Variants in CCDC192 observed in about 807,000 individuals in gnomAD.
CCDC192 encodes the protein coiled-coil domain containing 192, also known as coiled-coil domain-containing protein 192.
intron 6 of CCDC192, among the ~76,000 whole-genome samples, chr5:127,887,629 T>G (rs1050443832): frequency 6.6e-6 from 1 of 152,106 alleles, no homozygotes; most frequent in Non-Finnish European, 1.5e-5. Flanking sequence ...TTTTGTAAGG[T>G]TTTGCCACAA....
At chr5:127,815,465 A>T (rs1224954831) in intron 5 of CCDC192, among the ~76,000 whole-genome samples, 2 of 152,108 alleles carry the variant, frequency 1.3e-5, no homozygotes, top group East Asian at 3.9e-4. Flanking sequence ...GTTTTACATG[A>T]TTTCTATAAA....
intron 2 of CCDC192, among the ~76,000 whole-genome samples, chr5:127,731,190 C>T (rs1204250331): frequency 6.6e-6 from 1 of 152,062 alleles, no homozygotes; most frequent in Non-Finnish European, 1.5e-5. Flanking sequence ...AATCAATATG[C>T]AAAAATCACG....
At chr5:127,713,668 G>A (rs1328745037) in intron 2 of CCDC192, among the ~76,000 whole-genome samples, 1 of 152,000 alleles carries the variant, frequency 6.6e-6, no homozygotes, top group Non-Finnish European at 1.5e-5. Flanking sequence ...TTTTATTCTA[G>A]GAATGTTATA....
At chr5:127,878,689 G>A (rs959236779) in intron 6 of CCDC192, among the ~76,000 whole-genome samples, 7 of 152,032 alleles carry the variant, frequency 4.6e-5, no homozygotes, top group Non-Finnish European at 2.9e-5. Flanking sequence ...GGCGATGCGG[G>A]CTCTTTTTTG....
At chr5:127,861,421 G>A (rs1296633492) in intron 5 of CCDC192, among the ~76,000 whole-genome samples, 4 of 150,932 alleles carry the variant, frequency 2.7e-5, no homozygotes, top group African/African-American at 4.9e-5. Context: ...TTTGGAGGCC[G>A]AGGTGGGCAG....
At chr5:127,931,797 T>G (rs1056951632) in intron 6 of CCDC192, among the ~76,000 whole-genome samples, 1 of 152,118 alleles carries the variant, frequency 6.6e-6, no homozygotes. Context: ...TATAGAAATC[T>G]AAATCCTAGA....
chr5:127,863,515 A>G (rs1751460870), intron 5 of CCDC192, among the ~76,000 whole-genome samples: 1 of 152,232 alleles, frequency 6.6e-6, no homozygotes, highest in East Asian at 1.9e-4. Context: ...AATACACAGA[A>G]CTAGAGACTA....
chr5:127,854,115 C>A (rs1329684881), intron 5 of CCDC192, among the ~76,000 whole-genome samples: 1 of 152,210 alleles, frequency 6.6e-6, no homozygotes, highest in African/African-American at 2.4e-5. Context: ...ATAACACTCT[C>A]TTGATTCCTT....
intron 2 of CCDC192, among the ~76,000 whole-genome samples, chr5:127,712,089 G>T (rs915467284): frequency 1.3e-5 from 2 of 151,922 alleles, no homozygotes; most frequent in African/African-American, 4.8e-5. Context: ...TTTTATAAAC[G>T]GAGACATACA....
intron 3 of CCDC192, among the ~76,000 whole-genome samples, chr5:127,771,886 G>C (rs918094623): frequency 6.6e-6 from 1 of 152,142 alleles, no homozygotes; most frequent in Non-Finnish European, 1.5e-5. Flanking sequence ...GGGGAAGCAG[G>C]GATTCTCCAC....
chr5:127,932,826 A>G (rs1754077017), intron 6 of CCDC192, among the ~76,000 whole-genome samples: 1 of 152,158 alleles, frequency 6.6e-6, no homozygotes, highest in Non-Finnish European at 1.5e-5. Flanking sequence ...TAAAAACCAG[A>G]TCTAGAATAG....
At chr5:127,895,692 T>C (rs948102808) in intron 6 of CCDC192, among the ~76,000 whole-genome samples, 1 of 151,790 alleles carries the variant, frequency 6.6e-6, no homozygotes, top group African/African-American at 2.4e-5. Flanking sequence ...ATACAAAAAT[T>C]AGCCAGGCAC....
chr5:127,822,719 G>C (rs1749347237), intron 5 of CCDC192, among the ~76,000 whole-genome samples: 1 of 152,142 alleles, frequency 6.6e-6, no homozygotes, highest in African/African-American at 2.4e-5. Flanking sequence ...GAAGGACAAA[G>C]ATCATTCCTT....
intron 6 of CCDC192, chr5:127,940,807 A>G (rs184453649): frequency 6.1e-6 from 1 of 163,520 alleles, no homozygotes; most frequent in African/African-American, 2.4e-5. Flanking sequence ...CTACTTGATT[A>G]TAGCTCTTGT....
In CCDC192 at chr5:127,797,004, G is replaced by C. The variant is rs542389342; in HGVS notation, c.223-99G>C. The stretch of plus-strand genomic sequence containing the variant: ...CCAGAAGCTATTTTCATATTTAGTA[G>C]ATACTGGTGGAAGATAAATTATTTG... On this transcript the variant is annotated intron_variant, in intron 3 of 6. Transcript: ENST00000514853. 77 of 381,864 alleles carry C rather than the reference G, an allele frequency of 2.0e-4. No homozygotes were observed. In the East Asian group the frequency reaches 2.8e-3, roughly 14 times the overall value. The allele number at this position is 381,864 out of a possible 1,614,324, so 23.7% of individuals were successfully genotyped here.
At chr5:127,702,540 C>T (rs917186249), upstream of CCDC192, among the ~76,000 whole-genome samples, 2 of 152,146 alleles carry the variant, frequency 1.3e-5, no homozygotes, top group African/African-American at 4.8e-5. Flanking sequence ...CTATTCATTC[C>T]TGTTACTATT....
chr5:127,826,377 A>C (rs556561945), intron 5 of CCDC192, among the ~76,000 whole-genome samples: 17 of 152,126 alleles, frequency 1.1e-4, no homozygotes, highest in African/African-American at 4.1e-4. Flanking sequence ...CAGTTTGGAG[A>C]TTTCTCAAAG....
Position 127,856,434 on chromosome 5 carries a change from T to C in CCDC192, c.412-19104T>C, listed in dbSNP as rs899425217. Among the ~76,000 whole-genome samples the C allele has an allele frequency of 6.6e-5, 10 of 152,226 alleles. No homozygotes were observed. The East Asian group carries it at 9.6e-4, about 15-fold the overall frequency. ...TTCTATCTAGACTACTCACATTTTC[T>C]CCATATCAGCAACAGGGTTGGTTTG... On this transcript the variant is annotated intron_variant, in intron 5 of 6. Transcript: ENST00000514853.
rs551068574 is a variant in CCDC192 at position 127,884,268 on chromosome 5, G to A, written c.535+8607G>A. ...TGAGGCAGAAGAATGGCGTGAACCC[G>A]GGAGGCGGAGCTTGCAGTGAGGCGA... On this transcript the variant is annotated intron_variant, in intron 6 of 6. Transcript: ENST00000514853. 1.6e-3 allele frequency among the ~76,000 whole-genome samples: 232 copies of A among 149,324 alleles called. 1 individual carries two copies. Among genetic ancestry groups the A allele is most frequent in the Non-Finnish European group, 2.8e-3 (189 of 67,600 alleles).
Sources: allele counts gnomAD v4.1 joint callset (sites outside exome capture counted in the v4.1 genomes callset), GRCh38; gene constraint gnomAD v4.1.1; transcripts MANE v1.5; gene names NCBI Gene and HGNC (gene_info 2026-07-23, HGNC 2026-07-21).